Variants in CD163L1 observed in about 807,000 individuals in gnomAD.
The protein encoded by CD163L1 is CD163 molecule like 1.
Under a neutral mutation model 165.4 loss-of-function variants are expected in CD163L1, and 124 were observed. The ratio of observed to expected loss-of-function variants is 0.75; its 90% CI spans 0.65 to 0.87. The LOEUF (loss-of-function observed/expected upper bound fraction) is 0.87, where lower values mean the gene tolerates loss of function less well. CD163L1 is among the 40% of genes least tolerant of loss of function. The pLI is 0.00. For synonymous variants in CD163L1, 585 were observed against 662.2 expected (o/e 0.88, Z 1.79); for missense variants, 1,525 against 1,799.9 (o/e 0.85, Z 2.76).
At chr12:7,421,599 A>T (rs999984107) in intron 4 of CD163L1, among the ~76,000 whole-genome samples, 1 of 10,992 alleles carries the variant, frequency 9.1e-5, no homozygotes. Context: ...ATATACATAT[A>T]TGTACACATA....
chr12:7,364,138 C>A (rs756038977), intron 18 of CD163L1, among the ~76,000 whole-genome samples: 2 of 151,956 alleles, frequency 1.3e-5, no homozygotes, highest in African/African-American at 2.4e-5. Context: ...TCAACATGAG[C>A]AAATCAATAA....
chr12:7,374,912 G>A lies in CD163L1; in HGVS notation c.3013C>T (p.Gln1005Ter). The change falls in exon 12 of 20, where the codon CAG becomes TAG. Residue 1005 changes from glutamine to a stop codon, truncating the protein, a stop_gained. Transcript: ENST00000313599. LOFTEE classifies it high-confidence loss of function. The surrounding 1 kb of genome is among the most constrained non-coding windows in gnomAD (Gnocchi z 5.4). ...VSVICTGSLTQPLFPCLANVS... is the reference protein window; with the variant it reads ...VSVICTGSLT Reference sequence around the variant, plus strand: ...TTTGCGAGGCATGGAAACAGTGGCTGGGTCAGGCTTCCTGGTGGAGGGTGC... The same window carrying A: ...TTTGCGAGGCATGGAAACAGTGGCTAGGTCAGGCTTCCTGGTGGAGGGTGC... 3 of 1,614,186 alleles carry A rather than the reference G, an allele frequency of 1.9e-6. No individual in the cohort carries two copies. The highest frequency in any genetic ancestry group is 2.5e-6 in the Non-Finnish European group (3 of 1,180,016).
chr12:7,408,791 G>A (rs1441357153), intron 4 of CD163L1, among the ~76,000 whole-genome samples: 1 of 152,144 alleles, frequency 6.6e-6, no homozygotes, highest in Non-Finnish European at 1.5e-5. Context: ...ATTTTGAGCT[G>A]AGATTCTGTT....
At chr12:7,378,499 CA>C (rs1947317932) in intron 9 of CD163L1, among the ~76,000 whole-genome samples, 1 of 152,164 alleles carries the variant, frequency 6.6e-6, no homozygotes, top group Admixed American at 6.5e-5. Flanking sequence ...GCCTACATAT[CA>C]AGACTTTATT....
chr12:7,326,851 G>A, the CD163L1 span: 1 of 1,066,632 alleles, frequency 9.4e-7, no homozygotes, highest in Admixed American at 3.2e-5. Flanking sequence ...GGTAACCTCT[G>A]GCATTTGCAG....
At chr12:7,370,036 T>A (rs1454973213) in intron 14 of CD163L1, among the ~76,000 whole-genome samples, 1 of 152,264 alleles carries the variant, frequency 6.6e-6, no homozygotes, top group Non-Finnish European at 1.5e-5. Context: ...ATATAACTAA[T>A]GTTCATTTGG....
intron 1 of CD163L1, among the ~76,000 whole-genome samples, chr12:7,443,811 T>C (rs970348892): frequency 2.0e-5 from 3 of 152,178 alleles, no homozygotes; most frequent in Non-Finnish European, 4.4e-5. Flanking sequence ...TTATCCCTTC[T>C]TTCTATTTCC....
the CD163L1 span, among the ~76,000 whole-genome samples, chr12:7,341,393 C>T: frequency 6.6e-6 from 1 of 152,142 alleles, no homozygotes; most frequent in Non-Finnish European, 1.5e-5. Context: ...CACTGAGGAA[C>T]AAATGTTCTG....
intron 4 of CD163L1, among the ~76,000 whole-genome samples, chr12:7,421,077 A>ATATATG (rs1948357640): frequency 9.7e-6 from 1 of 103,088 alleles, no homozygotes; most frequent in African/African-American, 4.4e-5. Context: ...ATATATACGT[A>ATATATG]TATATATACG....
chr12:7,417,934 TA>T (rs1948278443), intron 4 of CD163L1, among the ~76,000 whole-genome samples: 1 of 152,124 alleles, frequency 6.6e-6, no homozygotes, highest in Admixed American at 6.6e-5. Flanking sequence ...AATAGGTCCT[TA>T]CCTATCAATA....
At chr12:7,405,283 T>C (rs12296814) in intron 5 of CD163L1, among the ~76,000 whole-genome samples, 36,817 of 151,886 alleles carry the variant, frequency 0.24, 5,379 homozygotes, top group East Asian at 0.37. Context: ...TCTGTTTCCT[T>C]CCCCCTTCTC....
the CD163L1 span, among the ~76,000 whole-genome samples, chr12:7,332,267 GA>G: frequency 2.0e-5 from 3 of 152,178 alleles, no homozygotes; most frequent in Non-Finnish European, 4.4e-5. Flanking sequence ...AAGCCTCCAA[GA>G]AATATGGGAC....
chr12:7,440,324 AGCC>A (rs1431712950), intron 2 of CD163L1, among the ~76,000 whole-genome samples: 1 of 151,310 alleles, frequency 6.6e-6, no homozygotes, highest in Non-Finnish European at 1.5e-5. Flanking sequence ...AGGGACCTGG[AGCC>A]GCCGCCGCCC....
In CD163L1 at chr12:7,433,501, T is replaced by C. The variant is rs1948664385; in HGVS notation, c.318A>G (p.Arg106=). 1 of 1,614,070 alleles carries C rather than the reference T, an allele frequency of 6.2e-7. No individual in the cohort carries two copies. The highest frequency in any genetic ancestry group is 1.3e-5 in the African/African-American group (1 of 74,918). The part of the protein sequence containing the change: ...AMFRFGQAVT[R]HGKIWLDDVS... ...CATCATCAAGCCAAATTTTTCCATG[T>C]CTAGTCACGGCTTGTCCAAAACGAA... Residue 106 remains arginine (R), a synonymous_variant, in exon 3 of 20, where the codon AGA becomes AGG. Transcript: ENST00000313599.
chr12:7,352,984 G>C (rs185018655), downstream of CD163L1, among the ~76,000 whole-genome samples: 1 of 152,182 alleles, frequency 6.6e-6, no homozygotes, highest in Middle Eastern at 3.4e-3. Flanking sequence ...CTAGCTCTGA[G>C]GAGGTCCAGG....
At chr12:7,371,026 A>C (rs12226999) in intron 14 of CD163L1, among the ~76,000 whole-genome samples, 10,491 of 152,194 alleles carry the variant, frequency 0.069, 697 homozygotes, top group Admixed American at 0.21. Flanking sequence ...GTGATAGTGA[A>C]TAAGTCTCAC....
Position 7,421,760 on chromosome 12 carries a change from TATA to T in CD163L1, c.766+10653_766+10655del, listed in dbSNP as rs757181254. On this transcript the variant is annotated intron_variant, in intron 4 of 19. Transcript: ENST00000313599. ...ATGTGTGTGTGTATATATATATATA[TATA>T]TATATATTTTTTCTTCTAAGTGAAG... Among the ~76,000 whole-genome samples the T allele has an allele frequency of 4.7e-3, 649 of 136,692 alleles. 5 individuals are homozygous for T. The highest frequency in any genetic ancestry group is 0.013 in the African/African-American group (454 of 34,514). 89.7% of individuals were successfully genotyped at this position (136,692 alleles called of 152,430 possible). A position where few individuals can be genotyped will look rare whatever the true frequency, so the allele number is the denominator to read the frequency against.
chr12:7,408,199 A>G (rs1948068150), intron 4 of CD163L1, among the ~76,000 whole-genome samples: 2 of 151,884 alleles, frequency 1.3e-5, no homozygotes, highest in Admixed American at 1.3e-4. Flanking sequence ...TAAATGAATG[A>G]GATTTTTTTT....
chr12:7,329,224 A>G, the CD163L1 span, among the ~76,000 whole-genome samples: 1 of 149,114 alleles, frequency 6.7e-6, no homozygotes, highest in Non-Finnish European at 1.5e-5. Flanking sequence ...CAAAAGAAAG[A>G]AAAAGTACAG....
Sources: gnomAD v4.1 joint callset for allele counts (sites outside exome capture counted in the v4.1 genomes callset) on GRCh38, gnomAD v4.1.1 for gene constraint, Gnocchi (gnomAD v3.1) non-coding constraint, MANE v1.5 for transcripts, NCBI Gene and HGNC (gene_info 2026-07-23, HGNC 2026-07-21) for gene names.